The following NUAK2 variants were observed in gnomAD, a reference collection of about 807,000 sequenced individuals.
NUAK2 encodes NUAK family SNF1-like kinase 2.
In NUAK2, 20 loss-of-function variants were observed where a neutral mutation model predicts 29.8. That is an observed-to-expected ratio of 0.67 (90% CI 0.47 to 0.98). The LOEUF (loss-of-function observed/expected upper bound fraction) is 0.98, where lower values mean the gene tolerates loss of function less well. Among genes scored for constraint, NUAK2 ranks in the 50% least tolerant of loss-of-function variants. The pLI, the probability that NUAK2 is intolerant of heterozygous loss-of-function variation, is 0.00. For missense variants in NUAK2, 719 were observed against 834.5 expected, an observed-to-expected ratio of 0.86 and a Z score of 1.71; for synonymous variants, 331 against 342.6, an observed-to-expected ratio of 0.97 and a Z score of 0.37.
At chr1:205,310,345 T>C (rs1386093484) in intron 2 of NUAK2, among the ~76,000 whole-genome samples, 1 of 152,180 alleles carries the variant, frequency 6.6e-6, no homozygotes, top group Non-Finnish European at 1.5e-5. Context: ...AGGGCACATT[T>C]TGGAGAACAG....
At chr1:205,306,488 C>A (rs1050004803) in intron 4 of NUAK2, among the ~76,000 whole-genome samples, 181 bp from the exon 5 acceptor site, 1 of 152,132 alleles carries the variant, frequency 6.6e-6, no homozygotes, top group Non-Finnish European at 1.5e-5. Flanking sequence ...AAGAACGAAC[C>A]CTGAGGAGCT....
In NUAK2 at chr1:205,308,760, G is replaced by C. The variant is rs370532224; in HGVS notation, c.353-28C>G. ...GGGCAGAGCAAGGCAAGGAACGTCA[G>C]GCCCTCCCAGAGTGCACTGCTCTCC... On this transcript the variant is annotated intron_variant, in intron 2 of 6. Coordinates refer to ENST00000367157, the MANE Select transcript of NUAK2 (RefSeq NM_030952.3). The surrounding 1 kb of genome is among the most constrained non-coding windows in gnomAD (Gnocchi z 4.1). 1.9e-6 allele frequency: 3 copies of C among 1,609,856 alleles called. No individual in the cohort carries two copies. The highest frequency in any genetic ancestry group is 2.7e-5 in the African/African-American group (2 of 74,852).
Position 205,319,749 on chromosome 1 carries a change from C to T in NUAK2, c.231+1649G>A, listed in dbSNP as rs538878184. ...GCAGGCAACTGGGGACTGTGCCAGG[C>T]GATAGCAGGAAAAACATACTCGGTC... On this transcript the variant is annotated intron_variant, in intron 1 of 6. Transcript: ENST00000367157. 1.1e-4 allele frequency among the ~76,000 whole-genome samples: 17 copies of T among 152,232 alleles called. 1 individual carries two copies. The highest frequency in any genetic ancestry group is 3.9e-4 in the African/African-American group (16 of 41,530).
intron 2 of NUAK2, among the ~76,000 whole-genome samples, chr1:205,309,690 T>C (rs1285567309): frequency 6.6e-6 from 1 of 152,186 alleles, no homozygotes; most frequent in African/African-American, 2.4e-5. Flanking sequence ...TAATAATGTC[T>C]GTCTTGAGGA....
chr1:205,314,709 C>G (rs1662302684), intron 1 of NUAK2, among the ~76,000 whole-genome samples: 1 of 152,144 alleles, frequency 6.6e-6, no homozygotes, highest in Non-Finnish European at 1.5e-5. Flanking sequence ...CCATAAAGAG[C>G]AAAACGATCA....
At chr1:205,313,498 G>C (rs1242817619) in intron 1 of NUAK2, among the ~76,000 whole-genome samples, 1 of 152,140 alleles carries the variant, frequency 6.6e-6, no homozygotes, top group African/African-American at 2.4e-5. Context: ...CTGAGCCACC[G>C]AGGGTCTCGG....
At chr1:205,312,344 TA>T (rs1242028274) in intron 1 of NUAK2, among the ~76,000 whole-genome samples, 25 of 152,272 alleles carry the variant, frequency 1.6e-4, no homozygotes, top group African/African-American at 5.3e-4. Context: ...CCAGAGAGGT[TA>T]GATGATGTGC....
intron 4 of NUAK2, among the ~76,000 whole-genome samples, chr1:205,307,293 T>C (rs781256355): frequency 1.8e-4 from 27 of 152,214 alleles, no homozygotes; most frequent in Non-Finnish European, 2.8e-4. Context: ...AAGCCCATAA[T>C]GAAGCACATG....
At chr1:205,310,952 G>A (rs1049254067) in intron 2 of NUAK2, among the ~76,000 whole-genome samples, 1 of 152,190 alleles carries the variant, frequency 6.6e-6, no homozygotes, top group African/African-American at 2.4e-5. Context: ...TACAGACAAA[G>A]GGCAGAGTTA....
intron 5 of NUAK2, among the ~76,000 whole-genome samples, chr1:205,305,884 T>C (rs1314271162): frequency 6.6e-6 from 1 of 152,146 alleles, no homozygotes; most frequent in Non-Finnish European, 1.5e-5. Flanking sequence ...ATTAATTTTA[T>C]ATTTTTTTAA....
At chr1:205,307,499 T>C (rs569901159) in intron 4 of NUAK2, among the ~76,000 whole-genome samples, 1 of 152,256 alleles carries the variant, frequency 6.6e-6, no homozygotes, top group African/African-American at 2.4e-5. Flanking sequence ...AGAGACTATG[T>C]CCTGGGTTCA....
chr1:205,312,565 C>T (rs1574893618), intron 1 of NUAK2, among the ~76,000 whole-genome samples: 1 of 152,310 alleles, frequency 6.6e-6, no homozygotes, highest in African/African-American at 2.4e-5. Flanking sequence ...CTTTGGGAAG[C>T]CAAGTCAGGA....
chr1:205,317,598 C>CAGGAGCTT (rs1379618751), intron 1 of NUAK2, among the ~76,000 whole-genome samples: 3 of 152,318 alleles, frequency 2.0e-5, no homozygotes. Flanking sequence ...ATCCTCCAGC[C>CAGGAGCTT]CCCTCTACCG....
Position 205,321,379 on chromosome 1 carries a change from G to T in NUAK2, c.231+19C>A. 12 of 1,595,640 alleles carry T rather than the reference G, an allele frequency of 7.5e-6. No individual in the cohort carries two copies. The highest frequency in any genetic ancestry group is 9.4e-6 in the Non-Finnish European group (11 of 1,170,500). ...CAAGCCGGAGCCCGCCCCGCGCCGC[G>T]AGAGGGAGCCGCACTCACCAGGCGC... On this transcript the variant is annotated intron_variant, in intron 1 of 6. Transcript: ENST00000367157.
At chr1:205,315,693 T>G (rs1662317242) in intron 1 of NUAK2, among the ~76,000 whole-genome samples, 2 of 152,124 alleles carry the variant, frequency 1.3e-5, no homozygotes, top group Middle Eastern at 3.4e-3. Context: ...GCCAACGTGG[T>G]GAAACCCCAT....
At position 205,303,991 on chromosome 1, in the gene NUAK2, A is replaced by G. The variant is rs371065495; in HGVS notation, c.1346T>C (p.Leu449Pro). 7 of 1,613,654 alleles carry G rather than the reference A, an allele frequency of 4.3e-6. No individual in the cohort carries two copies. Among genetic ancestry groups the G allele is most frequent in the Non-Finnish European group, 5.9e-6 (7 of 1,179,880 alleles). The part of the protein sequence containing the change: ...AAPLLPKKGI[L>P]KKPRQRESGY... The stretch of plus-strand genomic sequence containing the variant: ...AGACTCGCGCTGTCGGGGCTTCTTG[A>G]GAATGCCCTTCTTGGGGAGCAGGGG... The change falls in exon 7 of 7, where the codon CTC becomes CCC. Residue 449 changes from leucine (L) to proline (P), a missense_variant. This residue lies in a region of NUAK2 where 430 missense variants were observed against 465.7 expected (regional missense o/e 0.92). Coordinates refer to ENST00000367157, the MANE Select transcript of NUAK2 (RefSeq NM_030952.3).
intron 1 of NUAK2, among the ~76,000 whole-genome samples, chr1:205,313,360 GC>G (rs1378842880): frequency 6.6e-6 from 1 of 152,080 alleles, no homozygotes; most frequent in Non-Finnish European, 1.5e-5. Flanking sequence ...TGCTATCTTA[GC>G]CCGGCAAGAT....
At chr1:205,310,588 C>T (rs1462291185) in intron 2 of NUAK2, among the ~76,000 whole-genome samples, 6 of 152,120 alleles carry the variant, frequency 3.9e-5, no homozygotes, top group African/African-American at 1.4e-4. Flanking sequence ...CACACACATG[C>T]ACACGCACAC....
chr1:205,304,564 C>CTCCCCTTTTGAGCTATGACACTGCTCA lies in NUAK2; in HGVS notation c.824-52_824-51insTGAGCAGTGTCATAGCTCAAAAGGGGA. The stretch of plus-strand genomic sequence containing the variant: ...AGTTTGGCAGCTCCCAGAATAGGCA[C>CTCCCCTTTTGAGCTATGACACTGCTCA]TCCCTGTCCCCTGTCCCCAGCTCAT... On this transcript the variant is annotated intron_variant, in intron 6 of 6. Coordinates refer to ENST00000367157, the MANE Select transcript of NUAK2 (RefSeq NM_030952.3). The surrounding 1 kb of genome is among the most constrained non-coding windows in gnomAD (Gnocchi z 6.5). 1 of 1,391,386 alleles carries CTCCCCTTTTGAGCTATGACACTGCTCA rather than the reference C, an allele frequency of 7.2e-7. No homozygotes were observed. The highest frequency in any genetic ancestry group is 9.6e-7 in the Non-Finnish European group (1 of 1,041,412). The allele number at this position is 1,391,386 out of a possible 1,614,324, so 86.2% of individuals were successfully genotyped here.
Sources: gnomAD v4.1 joint callset for allele counts (sites outside exome capture counted in the v4.1 genomes callset) on GRCh38, gnomAD v4.1.1 for gene constraint, gnomAD v4.1.1 regional missense constraint, Gnocchi (gnomAD v3.1) non-coding constraint, MANE v1.5 for transcripts, NCBI Gene and HGNC (gene_info 2026-07-23, HGNC 2026-07-21) for gene names.